Variants in FAIM2 observed in about 807,000 individuals in gnomAD.
FAIM2 encodes the protein protein lifeguard 2.
Under a neutral mutation model 47.4 loss-of-function variants are expected in FAIM2, and 27 were observed. The observed-to-expected ratio is 0.57, with a 90% CI of 0.42 to 0.78. FAIM2 has a LOEUF of 0.78. FAIM2 is among the 30% of genes least tolerant of loss of function. The probability of loss-of-function intolerance (pLI) is 0.00; values close to 1 mark genes in which losing one functional copy is unlikely to be tolerated. For missense variants in FAIM2, 311 were observed against 389.4 expected (o/e 0.80, Z 1.69); for synonymous variants, 156 against 159.3 (o/e 0.98, Z 0.16).
At chr12:49,883,248 G>A (rs1229250873) in intron 11 of FAIM2, among the ~76,000 whole-genome samples, 6 of 152,146 alleles carry the variant, frequency 3.9e-5, no homozygotes, top group Non-Finnish European at 8.8e-5. Context: ...TAGATGCAGG[G>A]CACAGGGGCA....
Position 49,901,539 on chromosome 12 carries a change from G to C in FAIM2, c.16-214C>G, listed in dbSNP as rs1048045719. 2.1e-5 allele frequency: 10 copies of C among 469,790 alleles called. No individual in the cohort carries two copies. The Admixed American group carries it at 3.0e-4, about 14-fold the overall frequency. The allele number at this position is 469,790 out of a possible 1,614,324, so 29.1% of individuals were successfully genotyped here. ...CTAGCTGGGGCACATGGTGGAGCTG[G>C]GATAGGAACAGAGGAAAGAGAAAAT... On this transcript the variant is annotated intron_variant, in intron 1 of 11. Coordinates refer to ENST00000320634, the MANE Select transcript of FAIM2 (RefSeq NM_012306.4).
At position 49,901,327 on chromosome 12, in the gene FAIM2, T is replaced by A. The variant is rs1374656919; in HGVS notation, c.16-2A>T. On this transcript the variant is annotated splice_acceptor_variant, in intron 1 of 11. Transcript: ENST00000320634. LOFTEE classifies it high-confidence loss of function. ...AGGGGCCTTGTTAGCCACGGAGAGC[T>A]ATGGAGTAGAGTCAGAGAGAGAGAT... 1.3e-6 allele frequency: 2 copies of A among 1,569,408 alleles called. No individual in the cohort carries two copies.
chr12:49,879,200 ATGTGTATGAG>A (rs1373702792), intron 11 of FAIM2, among the ~76,000 whole-genome samples: 2 of 112,888 alleles, frequency 1.8e-5, no homozygotes, highest in Non-Finnish European at 3.5e-5. Context: ...ATGTGTATGT[ATGTGTATGAG>A]TGTGTATGTG....
intron 3 of FAIM2, 31 bp from the exon 4 acceptor site, chr12:49,897,614 G>A (rs1286217792): frequency 1.3e-6 from 2 of 1,582,136 alleles, no homozygotes; most frequent in Non-Finnish European, 8.7e-7. Flanking sequence ...ACTCAGCTTG[G>A]GGGGCCCTGT....
intron 4 of FAIM2, 112 bp downstream of exon 4, chr12:49,897,407 C>T (rs1236601006): frequency 2.9e-6 from 3 of 1,018,762 alleles, no homozygotes; most frequent in South Asian, 1.4e-5. Flanking sequence ...GCCCACTGCC[C>T]CACAGGCATC....
chr12:49,897,764 AC>A (rs11378140), intron 3 of FAIM2, among the ~76,000 whole-genome samples, 181 bp from the exon 4 acceptor site: 50 of 149,956 alleles, frequency 3.3e-4, no homozygotes, highest in South Asian at 6.4e-4. Context: ...AGCCAAGCGC[AC>A]CCCCCCCCAG....
Position 49,874,393 on chromosome 12 carries a change from C to T in FAIM2, c.802-3740G>A, listed in dbSNP as rs780374364. 6.6e-5 allele frequency among the ~76,000 whole-genome samples: 10 copies of T among 152,080 alleles called. No individual in the cohort carries two copies. Among genetic ancestry groups the T allele is most frequent in the Non-Finnish European group, 1.2e-4 (8 of 68,006 alleles). Reference sequence around the variant, plus strand: ...TTGCTGATGGCTGCTTATCGAGTGCCGTCTCCTATGCTGGTGGAGATAGGG... The same window carrying T: ...TTGCTGATGGCTGCTTATCGAGTGCTGTCTCCTATGCTGGTGGAGATAGGG... On this transcript the variant is annotated intron_variant, in intron 11 of 11. Transcript: ENST00000320634. The surrounding 1 kb of genome is among the most constrained non-coding windows in gnomAD (Gnocchi z 4.2).
chr12:49,873,986 A>G (rs1946719556), intron 11 of FAIM2, among the ~76,000 whole-genome samples: 1 of 152,382 alleles, frequency 6.6e-6, no homozygotes, highest in East Asian at 1.9e-4. Flanking sequence ...GCATTGATTT[A>G]CAGGGGAAAG....
At chr12:49,897,630 A>C in intron 3 of FAIM2, 47 bp from the exon 4 acceptor site, 1 of 1,448,050 alleles carries the variant, frequency 6.9e-7, no homozygotes, top group African/African-American at 1.4e-5. Flanking sequence ...CCTGTTAGGG[A>C]CCTGTCAGCC....
At chr12:49,900,018 C>T in intron 2 of FAIM2, 1 of 290,054 alleles carries the variant, frequency 3.4e-6, no homozygotes, top group East Asian at 9.2e-5. Flanking sequence ...CCCTCTTGTC[C>T]TTCACTTCTC....
chr12:49,880,744 A>T (rs28521178), intron 11 of FAIM2, among the ~76,000 whole-genome samples: 3 of 143,402 alleles, frequency 2.1e-5, no homozygotes, highest in Admixed American at 6.9e-5. Context: ...GTATGTGTGC[A>T]TGTGTGTGTG....
chr12:49,889,146 G>A lies in FAIM2; in HGVS notation c.708C>T (p.Phe236=), dbSNP rs755012762. The A allele has an allele frequency of 1.2e-6, 2 of 1,612,338 alleles. No homozygotes were observed. The highest frequency in any genetic ancestry group is 2.2e-5 in the South Asian group (2 of 90,452). ...VLFVLLMTLF[F]SGLILAILLP... The stretch of plus-strand genomic sequence containing the variant: ...GGAGGATGGCCAGGATGAGTCCGCT[G>A]AAGAAAAGAGTCATGAGAAGCACGA... The change falls in exon 10 of 12, where the codon TTC becomes TTT. Residue 236 remains phenylalanine, a synonymous_variant. Transcript: ENST00000320634.
chr12:49,878,788 G>T (rs1946769191), intron 11 of FAIM2, among the ~76,000 whole-genome samples: 1 of 111,398 alleles, frequency 9.0e-6, no homozygotes, highest in Non-Finnish European at 1.7e-5. Flanking sequence ...GTGTATGTGT[G>T]CCTGTGTGTA....
chr12:49,889,015 G>T, intron 10 of FAIM2, 92 bp downstream of exon 10: 2 of 923,732 alleles, frequency 2.2e-6, no homozygotes, highest in Non-Finnish European at 3.5e-6. Flanking sequence ...TTGGCTCCTG[G>T]CCTTCCCTGG....
intron 11 of FAIM2, among the ~76,000 whole-genome samples, chr12:49,883,655 G>A (rs1026657913): frequency 2.6e-5 from 4 of 152,098 alleles, no homozygotes; most frequent in Non-Finnish European, 4.4e-5. Flanking sequence ...ATAAAATATC[G>A]CATTCAAAGC....
intron 10 of FAIM2, among the ~76,000 whole-genome samples, chr12:49,888,136 T>C (rs751312771): frequency 2.0e-5 from 3 of 152,124 alleles, no homozygotes; most frequent in Non-Finnish European, 2.9e-5. Flanking sequence ...CCTGGGTCAA[T>C]AAAGGGTTCT....
At chr12:49,881,142 C>A (rs1565615489) in intron 11 of FAIM2, among the ~76,000 whole-genome samples, 1 of 152,306 alleles carries the variant, frequency 6.6e-6, no homozygotes, top group African/African-American at 2.4e-5. Flanking sequence ...ATTAGGCTTG[C>A]AGCATCCAGT....
chr12:49,880,227 T>C (rs1312830195), intron 11 of FAIM2, among the ~76,000 whole-genome samples: 1 of 151,744 alleles, frequency 6.6e-6, no homozygotes, highest in African/African-American at 2.4e-5. Context: ...TATATGTGCA[T>C]GCATGTGTGT....
chr12:49,903,688 T>C, intron 1 of FAIM2, 90 bp downstream of exon 1: 1 of 1,490,192 alleles, frequency 6.7e-7, no homozygotes, highest in Non-Finnish European at 9.2e-7. Context: ...CAGGGGAGGA[T>C]GCTTTCGTGG....
Sources: gnomAD v4.1 joint callset for allele counts (sites outside exome capture counted in the v4.1 genomes callset) on GRCh38, gnomAD v4.1.1 for gene constraint, Gnocchi (gnomAD v3.1) non-coding constraint, MANE v1.5 for transcripts, NCBI Gene and HGNC (gene_info 2026-07-23, HGNC 2026-07-21) for gene names.